Variants in FMN2 observed in about 807,000 individuals in gnomAD.
FMN2 encodes formin 2, also known as formin-2.
A neutral mutation model predicts 142.3 loss-of-function variants in FMN2; 51 were observed. The observed-to-expected ratio is 0.36, with a 90% CI of 0.29 to 0.45. FMN2 has a LOEUF of 0.45. Among genes scored for constraint, FMN2 ranks in the 20% least tolerant of loss-of-function variants. The probability of loss-of-function intolerance (pLI) is 1.00; values close to 1 mark genes in which losing one functional copy is unlikely to be tolerated. For synonymous variants in FMN2, 882 were observed against 869.8 expected, an observed-to-expected ratio of 1.01 and a Z score of -0.25; for missense variants, 1,936 against 2,122.8, an observed-to-expected ratio of 0.91 and a Z score of 1.73.
chr1:240,120,263 T>A (rs181134366), intron 1 of FMN2, among the ~76,000 whole-genome samples: 1 of 152,246 alleles, frequency 6.6e-6, no homozygotes, highest in Non-Finnish European at 1.5e-5. Flanking sequence ...GTAACTGAAG[T>A]ATAGACTTGG....
chr1:240,307,494 A>G (rs1670450694), intron 8 of FMN2, among the ~76,000 whole-genome samples: 1 of 152,204 alleles, frequency 6.6e-6, no homozygotes, highest in African/African-American at 2.4e-5. Context: ...CCATTGATTG[A>G]ACAGGGTGTC....
At chr1:240,134,786 A>G (rs1018716672) in intron 2 of FMN2, among the ~76,000 whole-genome samples, 2 of 152,162 alleles carry the variant, frequency 1.3e-5, no homozygotes, top group African/African-American at 2.4e-5. Flanking sequence ...GCTTATTGCC[A>G]TCCTCCTTTC....
chr1:240,257,971 A>G lies in FMN2; in HGVS notation c.4092A>G (p.Arg1364=), dbSNP rs1189537581. Residue 1364 remains arginine (R), a synonymous_variant, in exon 7 of 18, where the codon AGA becomes AGG. Coordinates refer to ENST00000319653, the MANE Select transcript of FMN2 (RefSeq NM_020066.5). ...KQVVKLLSNK[R]SQAVGILMSS... is the part of the protein sequence containing the mutation. ...TTGTCAAGTTATTAAGCAACAAAAG[A>G]TCACAAGCAGTTGGAATACTAATGT... The G allele has an allele frequency of 3.1e-6, 5 of 1,612,990 alleles. No homozygotes were observed. The highest frequency in any genetic ancestry group is 1.1e-5 in the South Asian group (1 of 90,730).
chr1:240,298,288 A>G (rs984229844), intron 8 of FMN2, among the ~76,000 whole-genome samples: 1 of 152,222 alleles, frequency 6.6e-6, no homozygotes, highest in Non-Finnish European at 1.5e-5. Flanking sequence ...TCCGTTATGA[A>G]CAATAACAGG....
At chr1:240,405,613 C>T (rs1316885966) in intron 15 of FMN2, among the ~76,000 whole-genome samples, 5 of 138,530 alleles carry the variant, frequency 3.6e-5, no homozygotes, top group Non-Finnish European at 6.1e-5. Context: ...AGCAAAACTC[C>T]GTCTCAAAAA....
chr1:240,226,544 T>G (rs948004298), intron 6 of FMN2, among the ~76,000 whole-genome samples: 2 of 152,180 alleles, frequency 1.3e-5, no homozygotes, highest in Non-Finnish European at 2.9e-5. Context: ...AAAGTTCAAG[T>G]TGAACGAAAA....
At chr1:240,305,889 G>A (rs1670371955) in intron 8 of FMN2, among the ~76,000 whole-genome samples, 1 of 151,706 alleles carries the variant, frequency 6.6e-6, no homozygotes, top group Admixed American at 6.6e-5. Flanking sequence ...ACCATTATAA[G>A]GTCAGCATAA....
At chr1:240,148,828 C>T (rs568529080) in intron 2 of FMN2, among the ~76,000 whole-genome samples, 52 of 152,032 alleles carry the variant, frequency 3.4e-4, no homozygotes, top group African/African-American at 9.2e-4. Flanking sequence ...AAAAATTAGC[C>T]GGGCATGGTG....
intron 2 of FMN2, among the ~76,000 whole-genome samples, chr1:240,168,642 GT>G (rs1265993396): frequency 4.6e-5 from 7 of 152,042 alleles, no homozygotes; most frequent in Non-Finnish European, 1.0e-4. Flanking sequence ...TAGTAATAAT[GT>G]GTTTATTGCT....
rs541790538 is a variant in FMN2, at chr1:240,093,123, C to T, written c.1014C>T (p.Pro338=). 26 of 1,399,280 alleles carry T rather than the reference C, an allele frequency of 1.9e-5. No individual in the cohort carries two copies. The South Asian group carries it at 4.2e-4, about 23-fold the overall frequency. The allele number at this position is 1,399,280 out of a possible 1,614,324, so 86.7% of individuals were successfully genotyped here. The change falls in exon 1 of 18, where the codon CCC becomes CCT. Residue 338 remains proline, a synonymous_variant. Transcript: ENST00000319653. The stretch of plus-strand genomic sequence containing the variant: ...CGGGGGAGGAAGCGGCCGGAGCCCC[C>T]GTGCGAGGGGCTGGGGACACGGATG... ...AGPGEEAAGA[P]VRGAGDTDEE...
At chr1:240,389,717 C>A (rs796812396) in intron 14 of FMN2, among the ~76,000 whole-genome samples, 1 of 152,020 alleles carries the variant, frequency 6.6e-6, no homozygotes, top group Non-Finnish European at 1.5e-5. Flanking sequence ...TTTGAGAGAC[C>A]GAGACGGAAG....
intron 1 of FMN2, among the ~76,000 whole-genome samples, chr1:240,113,566 A>AC (rs1427606247): frequency 6.6e-6 from 1 of 151,400 alleles, no homozygotes; most frequent in Non-Finnish European, 1.5e-5. Flanking sequence ...TCAAAAAAAA[A>AC]AAAAAAAAAA....
intron 15 of FMN2, among the ~76,000 whole-genome samples, chr1:240,419,411 T>A (rs1476017350): frequency 6.6e-6 from 1 of 151,184 alleles, no homozygotes; most frequent in Non-Finnish European, 1.5e-5. Flanking sequence ...TGTGTCCTTA[T>A]GGGCAAAAAA....
intron 15 of FMN2, among the ~76,000 whole-genome samples, chr1:240,437,662 A>C (rs931702179): frequency 1.3e-5 from 2 of 152,164 alleles, no homozygotes; most frequent in African/African-American, 4.8e-5. Flanking sequence ...TAAGCAATAT[A>C]ATATAGATAT....
intron 15 of FMN2, among the ~76,000 whole-genome samples, chr1:240,399,435 T>C (rs1304275532): frequency 6.6e-6 from 1 of 152,174 alleles, no homozygotes; most frequent in Non-Finnish European, 1.5e-5. Context: ...ATCTAAATCA[T>C]GGTAAGAACA....
intron 15 of FMN2, 73 bp downstream of exon 15, chr1:240,392,635 T>A (rs947378900): frequency 5.9e-6 from 7 of 1,179,794 alleles, no homozygotes; most frequent in Non-Finnish European, 8.3e-6. Flanking sequence ...AAGGAACCAA[T>A]TTTTAGTTCA....
rs750694362 is a variant in FMN2 at position 240,355,837 on chromosome 1, A to T, written c.4787A>T (p.Lys1596Ile). The change falls in exon 14 of 18, where the codon AAA (lysine) becomes ATA (isoleucine). Residue 1596 changes from lysine to isoleucine, a missense_variant. Physicochemically the swap from Lys to Ile is moderately radical, Grantham distance 102. Transcript: ENST00000319653. ...DLKACEVEAG[K>I]VYQVSSKEHM... ...TCAGCCTGTGAAGTTGAAGCAGGGA[A>T]AGTATACCAGGTCTCCTCAAAAGAG... is the stretch of plus-strand genomic sequence containing the variant. 1 of 1,612,182 alleles carries T rather than the reference A, an allele frequency of 6.2e-7. No individual in the cohort carries two copies. The highest frequency in any genetic ancestry group is 1.1e-5 in the South Asian group (1 of 90,900).
Position 240,338,409 on chromosome 1 carries a change from T to A in FMN2, c.4765+4180T>A, listed in dbSNP as rs762713453. Among the ~76,000 whole-genome samples the A allele has an allele frequency of 2.6e-5, 4 of 152,224 alleles. No individual in the cohort carries two copies. The East Asian group carries it at 7.7e-4, about 29-fold the overall frequency. Reference sequence around the variant, plus strand: ...GTTTGAGGACAGGAAACAAATAAGCTTTTTTAAAAATAACATTTTACAGTG... The same window carrying A: ...GTTTGAGGACAGGAAACAAATAAGCATTTTTAAAAATAACATTTTACAGTG... On this transcript the variant is annotated intron_variant, in intron 13 of 17. Coordinates refer to ENST00000319653, the MANE Select transcript of FMN2 (RefSeq NM_020066.5).
At chr1:240,095,275 C>T (rs1277422965) in intron 1 of FMN2, among the ~76,000 whole-genome samples, 1 of 151,944 alleles carries the variant, frequency 6.6e-6, no homozygotes, top group Non-Finnish European at 1.5e-5. Context: ...GATTATCAAT[C>T]ATTAATATTA....
Sources: allele counts gnomAD v4.1 joint callset (sites outside exome capture counted in the v4.1 genomes callset), GRCh38; gene constraint gnomAD v4.1.1; transcripts MANE v1.5; gene names NCBI Gene and HGNC (gene_info 2026-07-23, HGNC 2026-07-21).